Variants in EML6 observed in about 807,000 individuals in gnomAD.
The protein encoded by EML6 is EMAP like 6, also known as echinoderm microtubule-associated protein-like 6.
A neutral mutation model predicts 240.1 loss-of-function variants in EML6; 154 were observed. That is an observed-to-expected ratio of 0.64 (90% confidence interval 0.56 to 0.73). The LOEUF is 0.73. EML6 is among the 30% of genes least tolerant of loss of function. The pLI, the probability that EML6 is intolerant of heterozygous loss-of-function variation, is 0.00. For synonymous variants in EML6, 1,148 were observed against 899.0 expected (o/e 1.28, Z -4.95); for missense variants, 2,964 against 2,474.6 (o/e 1.20, Z -4.20).
chr2:54,829,375 G>A lies in EML6; in HGVS notation c.745G>A (p.Gly249Ser). The change falls in exon 7 of 42, where the codon GGC becomes AGC. Residue 249 changes from glycine (G) to serine (S), a missense_variant. Transcript: ENST00000356458. ...GIFSMYACEE[G>S]FATGGRDGCI... The stretch of plus-strand genomic sequence containing the variant: ...CTTTAGCATGTATGCTTGTGAAGAA[G>A]GCTTTGCCACTGGTGGGCGAGATGG... 6.4e-7 allele frequency: 1 copy of A among 1,551,876 alleles called. No homozygotes were observed. The highest frequency in any genetic ancestry group is 8.7e-7 in the Non-Finnish European group (1 of 1,146,994).
chr2:54,769,173 A>C (rs866255968), intron 2 of EML6, among the ~76,000 whole-genome samples: 1 of 152,224 alleles, frequency 6.6e-6, no homozygotes, highest in Non-Finnish European at 1.5e-5. Flanking sequence ...GTCTGGCTGC[A>C]GTGTGCACCT....
At chr2:54,813,841 G>A (rs1667966830) in intron 3 of EML6, among the ~76,000 whole-genome samples, 2 of 152,130 alleles carry the variant, frequency 1.3e-5, no homozygotes. Flanking sequence ...TTTACCCCTT[G>A]ATGTCACTTT....
intron 30 of EML6, among the ~76,000 whole-genome samples, chr2:54,952,299 C>A (rs1258572359): frequency 1.3e-5 from 2 of 152,092 alleles, no homozygotes; most frequent in African/African-American, 4.8e-5. Context: ...TCTGGAAACC[C>A]CTGTACTTGA....
chr2:54,828,197 A>G lies in EML6; in HGVS notation c.711+446A>G, dbSNP rs78278401. On this transcript the variant is annotated intron_variant, in intron 6 of 41. Coordinates refer to ENST00000356458, the MANE Select transcript of EML6 (RefSeq NM_001039753.4). ...TTGCTCTTGTATTGGTTGGTAAGATAGATTTTCCTCATTCTTTATGTTGAG... is the reference window on the plus strand; with the variant it reads ...TTGCTCTTGTATTGGTTGGTAAGATGGATTTTCCTCATTCTTTATGTTGAG... Among the ~76,000 whole-genome samples, 1,223 of 152,322 alleles carry G rather than the reference A, an allele frequency of 8.0e-3. 19 individuals are homozygous for G. The highest frequency in any genetic ancestry group is 0.028 in the African/African-American group (1,162 of 41,576).
chr2:54,920,144 C>G lies in EML6; in HGVS notation c.3675+3209C>G, dbSNP rs559730533. ...AGGAAAAGAAGACCAAACTAAGCTT[C>G]CTGTTAGCAGAAGGAAGGAAATAAT... On this transcript the variant is annotated intron_variant, in intron 26 of 41. Transcript: ENST00000356458. 4.6e-5 allele frequency among the ~76,000 whole-genome samples: 7 copies of G among 151,992 alleles called. No homozygotes were observed. The East Asian group carries it at 1.4e-3, about 29-fold the overall frequency.
chr2:54,950,562 C>T, intron 29 of EML6, 88 bp from the exon 30 acceptor site: 1 of 1,448,136 alleles, frequency 6.9e-7, no homozygotes. Context: ...TCCTGGGACA[C>T]ACGAGGCTGC....
At chr2:54,857,023 A>G (rs1383795335) in intron 11 of EML6, among the ~76,000 whole-genome samples, 1 of 152,186 alleles carries the variant, frequency 6.6e-6, no homozygotes, top group Non-Finnish European at 1.5e-5. Context: ...AGAGGAAAAG[A>G]AAGTAATCAA....
At chr2:54,934,458 A>G (rs1675029098) in intron 28 of EML6, among the ~76,000 whole-genome samples, 1 of 152,098 alleles carries the variant, frequency 6.6e-6, no homozygotes, top group African/African-American at 2.4e-5. Flanking sequence ...CCCACATTTC[A>G]GGTCAATCTA....
intron 21 of EML6, among the ~76,000 whole-genome samples, chr2:54,898,712 C>G (rs931936705): frequency 1.3e-5 from 2 of 152,178 alleles, no homozygotes; most frequent in Non-Finnish European, 2.9e-5. Context: ...CTTTCAGATG[C>G]CTGTGTGTGG....
intron 28 of EML6, among the ~76,000 whole-genome samples, chr2:54,939,910 G>A (rs895314012): frequency 8.5e-5 from 13 of 152,288 alleles, no homozygotes; most frequent in South Asian, 4.1e-4. Flanking sequence ...TCAGCGGCCC[G>A]GCACAAGCAA....
At chr2:54,753,865 G>A (rs1205649459) in intron 2 of EML6, among the ~76,000 whole-genome samples, 1 of 151,820 alleles carries the variant, frequency 6.6e-6, no homozygotes, top group Non-Finnish European at 1.5e-5. Context: ...GGCTGGGCGC[G>A]ATGGCTCACA....
At chr2:54,964,775 A>G (rs1676676878) in intron 38 of EML6, 42 bp downstream of exon 38, 2 of 1,538,562 alleles carry the variant, frequency 1.3e-6, no homozygotes, top group African/African-American at 2.7e-5. Flanking sequence ...ACCAATAATA[A>G]CAGCAGTAAT....
chr2:54,870,082 G>A (rs1671173457), intron 15 of EML6, among the ~76,000 whole-genome samples: 1 of 152,070 alleles, frequency 6.6e-6, no homozygotes, highest in South Asian at 2.1e-4. Context: ...GTGTTTAATT[G>A]CAGATAATAC....
chr2:54,817,857 A>G (rs899894545), intron 4 of EML6, among the ~76,000 whole-genome samples: 1 of 149,086 alleles, frequency 6.7e-6, no homozygotes, highest in African/African-American at 2.4e-5. Context: ...TTGTAGTTGT[A>G]AGGAGACCCC....
In EML6 at chr2:54,824,298, T is replaced by G. The variant is rs1444834862; in HGVS notation, c.526-3268T>G. The stretch of plus-strand genomic sequence containing the variant: ...TTTAAATTTAATTGTCTTAGCAGAC[T>G]TGGACATTTTTTCTAAGCAAATACA... On this transcript the variant is annotated intron_variant, in intron 5 of 41. Transcript: ENST00000356458. Among the ~76,000 whole-genome samples the G allele has an allele frequency of 2.0e-5, 3 of 152,206 alleles. No homozygotes were observed. The East Asian group carries it at 5.8e-4, about 29-fold the overall frequency.
At chr2:54,928,594 C>T (rs1226930434) in intron 27 of EML6, 31 bp from the exon 28 acceptor site, 5 of 1,552,144 alleles carry the variant, frequency 3.2e-6, no homozygotes, top group Middle Eastern at 1.7e-4. Context: ...TGCAAACCAA[C>T]TGGCTCCCCA....
At chr2:54,842,440 G>C (rs938698110) in intron 7 of EML6, among the ~76,000 whole-genome samples, 5 of 152,080 alleles carry the variant, frequency 3.3e-5, no homozygotes, top group African/African-American at 9.7e-5. Context: ...CAGATTACTT[G>C]GTCACCATAA....
chr2:54,812,709 A>G (rs1386487384), intron 2 of EML6, among the ~76,000 whole-genome samples: 1 of 152,182 alleles, frequency 6.6e-6, no homozygotes, highest in Non-Finnish European at 1.5e-5. Context: ...ACTTTAACTT[A>G]AAATTTGTAA....
At chr2:54,782,415 C>T (rs1668892253) in intron 2 of EML6, among the ~76,000 whole-genome samples, 2 of 152,014 alleles carry the variant, frequency 1.3e-5, no homozygotes, top group Admixed American at 1.3e-4. Context: ...GAGAGATTTC[C>T]TAGGGAAATT....
Sources: allele counts gnomAD v4.1 joint callset (sites outside exome capture counted in the v4.1 genomes callset), GRCh38; gene constraint gnomAD v4.1.1; transcripts MANE v1.5; gene names NCBI Gene and HGNC (gene_info 2026-07-23, HGNC 2026-07-21).